The following MBNL2 variants were observed in gnomAD, a reference collection of about 807,000 sequenced individuals.
MBNL2 encodes the protein muscleblind like splicing regulator 2, also known as muscleblind-like protein 2.
Under a neutral mutation model 41.9 loss-of-function variants are expected in MBNL2, and 17 were observed. That is an observed-to-expected ratio of 0.41 (90% CI 0.28 to 0.61). The LOEUF (loss-of-function observed/expected upper bound fraction) is 0.61. Among genes scored for constraint, MBNL2 ranks in the 20% least tolerant of loss-of-function variants. The pLI, the probability that MBNL2 is intolerant of heterozygous loss-of-function variation, is 0.35. For missense variants in MBNL2, 336 were observed against 505.6 expected, an observed-to-expected ratio of 0.66 and a Z score of 3.22; for synonymous variants, 195 against 182.9, an observed-to-expected ratio of 1.07 and a Z score of -0.53.
At chr13:97,283,849 C>T (rs1246700868) in intron 2 of MBNL2, among the ~76,000 whole-genome samples, 3 of 152,146 alleles carry the variant, frequency 2.0e-5, no homozygotes, top group Admixed American at 6.6e-5. Context: ...AAAGCAGAAC[C>T]GTGACTCCCT....
At chr13:97,356,301 T>G (rs1305354420) in intron 5 of MBNL2, among the ~76,000 whole-genome samples, 1 of 152,238 alleles carries the variant, frequency 6.6e-6, no homozygotes, top group Non-Finnish European at 1.5e-5. Context: ...CTATGAATTT[T>G]AAATTATTTT....
the MBNL2 span, among the ~76,000 whole-genome samples, chr13:97,148,950 A>G: frequency 6.6e-6 from 1 of 152,242 alleles, no homozygotes; most frequent in Admixed American, 6.5e-5. Context: ...TTTCCATTTC[A>G]CAAAAATGCC....
chr13:97,368,668 TTGAG>T (rs1462863691), intron 8 of MBNL2, among the ~76,000 whole-genome samples: 2 of 151,180 alleles, frequency 1.3e-5, no homozygotes, highest in African/African-American at 2.4e-5. Flanking sequence ...AAAAAAAACT[TTGAG>T]AGAGAGATTC....
At chr13:97,191,568 A>C in the MBNL2 span, among the ~76,000 whole-genome samples, 2 of 152,090 alleles carry the variant, frequency 1.3e-5, no homozygotes, top group Non-Finnish European at 2.9e-5. Context: ...CATGTTATCC[A>C]CGTTAGGCCA....
At chr13:97,385,210 TA>T (rs1316631272) in intron 8 of MBNL2, among the ~76,000 whole-genome samples, 1 of 152,136 alleles carries the variant, frequency 6.6e-6, no homozygotes, top group Non-Finnish European at 1.5e-5. Context: ...ACTGGGGCTA[TA>T]AAGATGAATG....
chr13:97,222,237 A>G (rs1326943941), upstream of MBNL2: 3 of 394,386 alleles, frequency 7.6e-6, no homozygotes, highest in Non-Finnish European at 8.9e-6. Context: ...GGCCAGTTTC[A>G]GACGAGTAGG....
At chr13:97,300,903 G>A (rs1594179710) in intron 2 of MBNL2, among the ~76,000 whole-genome samples, 1 of 152,266 alleles carries the variant, frequency 6.6e-6, no homozygotes, top group Non-Finnish European at 1.5e-5. Flanking sequence ...CTATAACTAT[G>A]ATAGATAGAT....
intron 3 of MBNL2, among the ~76,000 whole-genome samples, chr13:97,337,338 T>C (rs1190125523): frequency 6.6e-6 from 1 of 152,214 alleles, no homozygotes; most frequent in East Asian, 1.9e-4. Context: ...TATGATATTT[T>C]ATTATAAGCA....
chr13:97,252,689 A>C (rs1000661240), intron 1 of MBNL2, among the ~76,000 whole-genome samples: 1 of 152,112 alleles, frequency 6.6e-6, no homozygotes, highest in African/African-American at 2.4e-5. Flanking sequence ...AAAACAAGAA[A>C]ATTATTGGTT....
intron 1 of MBNL2, among the ~76,000 whole-genome samples, chr13:97,243,503 G>A (rs1330943160): frequency 6.6e-6 from 1 of 152,134 alleles, no homozygotes; most frequent in Non-Finnish European, 1.5e-5. Flanking sequence ...TAGGGGACAG[G>A]GCTGGTCATG....
At chr13:97,319,961 A>G (rs2059368028) in intron 2 of MBNL2, among the ~76,000 whole-genome samples, 1 of 152,200 alleles carries the variant, frequency 6.6e-6, no homozygotes. Flanking sequence ...TTTTTGAGCA[A>G]ATAGGGAGAT....
At chr13:97,362,197 A>G (rs2063471539) in intron 7 of MBNL2, among the ~76,000 whole-genome samples, 1 of 152,146 alleles carries the variant, frequency 6.6e-6, no homozygotes, top group Non-Finnish European at 1.5e-5. Flanking sequence ...TGAGCATCCC[A>G]TATTTGAAAA....
intron 8 of MBNL2, among the ~76,000 whole-genome samples, chr13:97,367,734 G>A (rs1045640656): frequency 6.6e-6 from 1 of 152,160 alleles, no homozygotes; most frequent in Non-Finnish European, 1.5e-5. Flanking sequence ...GAGAGTGGGG[G>A]AGGGAGGGGA....
chr13:97,236,800 G>T (rs987860572), intron 1 of MBNL2, among the ~76,000 whole-genome samples: 1 of 152,164 alleles, frequency 6.6e-6, no homozygotes, highest in Non-Finnish European at 1.5e-5. Context: ...GAAAGGAAAT[G>T]ATCAGTGCTA....
At chr13:97,209,482 G>A in the MBNL2 span, among the ~76,000 whole-genome samples, 8 of 152,170 alleles carry the variant, frequency 5.3e-5, no homozygotes, top group Non-Finnish European at 1.5e-5. Context: ...AGTATGAAGT[G>A]ATAAATTACT....
chr13:97,190,822 G>T, the MBNL2 span, among the ~76,000 whole-genome samples: 4 of 152,126 alleles, frequency 2.6e-5, no homozygotes, highest in Non-Finnish European at 4.4e-5. Flanking sequence ...GAAGCCTGAG[G>T]TTGGATTTAT....
chr13:97,273,448 C>A (rs1445778452), intron 1 of MBNL2, among the ~76,000 whole-genome samples: 3 of 152,182 alleles, frequency 2.0e-5, no homozygotes, highest in Non-Finnish European at 4.4e-5. Flanking sequence ...CTAGCTTAGG[C>A]TAGCTGATAT....
chr13:97,258,968 C>A (rs2043810103), intron 1 of MBNL2, among the ~76,000 whole-genome samples: 1 of 152,154 alleles, frequency 6.6e-6, no homozygotes, highest in South Asian at 2.1e-4. Flanking sequence ...GATATGTTAA[C>A]CCCCAGAGTA....
Position 97,392,716 on chromosome 13 carries a change from C to T in MBNL2, c.*1267C>T, listed in dbSNP as rs1189679844. 1.3e-5 allele frequency: 2 copies of T among 152,362 alleles called. No homozygotes were observed. The highest frequency in any genetic ancestry group is 4.8e-5 in the African/African-American group (2 of 41,396). 9.4% of individuals were successfully genotyped at this position (152,362 alleles called of 1,614,324 possible). On this transcript the variant is annotated 3_prime_UTR_variant, in exon 9 of 9. Transcript: ENST00000679496. ...TTTTAAAGTTTATTTTAAGCACTATCGTACCAAATATTTCATATTTCACAT... is the reference window on the plus strand; with the variant it reads ...TTTTAAAGTTTATTTTAAGCACTATTGTACCAAATATTTCATATTTCACAT...
Sources: allele counts gnomAD v4.1 joint callset (sites outside exome capture counted in the v4.1 genomes callset), GRCh38; gene constraint gnomAD v4.1.1; transcripts MANE v1.5; gene names NCBI Gene and HGNC (gene_info 2026-07-23, HGNC 2026-07-21).